PCDH15: variants seen among roughly 807,000 people sequenced by gnomAD.
The protein encoded by PCDH15 is protocadherin-15.
PCDH15 carries 129 observed loss-of-function variants against 178.5 expected under a neutral mutation model. The observed-to-expected ratio is 0.72, with a 90% CI of 0.63 to 0.84. The LOEUF (loss-of-function observed/expected upper bound fraction) is 0.84, where lower values mean the gene tolerates loss of function less well. PCDH15 is among the 40% of genes least tolerant of loss of function. The pLI, the probability that PCDH15 is intolerant of heterozygous loss-of-function variation, is 0.00. For missense variants in PCDH15, 2,230 were observed against 2,099.9 expected (o/e 1.06, Z -1.21); for synonymous variants, 800 against 732.0 (o/e 1.09, Z -1.50).
chr10:54,295,908 G>T (rs888592990), intron 8 of PCDH15, among the ~76,000 whole-genome samples: 2 of 151,878 alleles, frequency 1.3e-5, no homozygotes, highest in Non-Finnish European at 2.9e-5. Flanking sequence ...ACTTTGGGAG[G>T]CCGAGGCGGG....
chr10:54,881,718 C>G (rs1370105401), intron 3 of PCDH15, among the ~76,000 whole-genome samples: 1 of 152,080 alleles, frequency 6.6e-6, no homozygotes, highest in African/African-American at 2.4e-5. Context: ...GGATTAGGCT[C>G]TACCTCAATT....
intron 8 of PCDH15, among the ~76,000 whole-genome samples, chr10:54,260,921 C>G (rs1379186177): frequency 6.6e-6 from 1 of 152,146 alleles, no homozygotes; most frequent in Admixed American, 6.5e-5. Context: ...GTGTGAGCCA[C>G]CATGCCCGGC....
At chr10:55,526,249 TC>T (rs1841299113) in intron 2 of PCDH15, among the ~76,000 whole-genome samples, 1 of 151,970 alleles carries the variant, frequency 6.6e-6, no homozygotes, top group African/African-American at 2.4e-5. Flanking sequence ...TCTATTTTTT[TC>T]ATTTCATATA....
chr10:54,091,033 T>C (rs1344209767), intron 15 of PCDH15, among the ~76,000 whole-genome samples: 1 of 152,216 alleles, frequency 6.6e-6, no homozygotes, highest in Admixed American at 6.5e-5. Context: ...AAACATATAG[T>C]TTGACTTTGA....
chr10:55,376,980 G>T (rs1284402253), intron 2 of PCDH15, among the ~76,000 whole-genome samples: 1 of 151,804 alleles, frequency 6.6e-6, no homozygotes, highest in Non-Finnish European at 1.5e-5. Context: ...TAGCTATTAA[G>T]TCATATTTTA....
chr10:54,393,700 C>T (rs753808722), intron 3 of PCDH15, among the ~76,000 whole-genome samples: 1 of 152,132 alleles, frequency 6.6e-6, no homozygotes, highest in Non-Finnish European at 1.5e-5. Flanking sequence ...ATTCTATCCA[C>T]CATTCCTGAT....
intron 1 of PCDH15, among the ~76,000 whole-genome samples, chr10:54,672,055 A>G (rs184493731): frequency 3.3e-5 from 5 of 152,168 alleles, no homozygotes; most frequent in Non-Finnish European, 5.9e-5. Flanking sequence ...TGCACATACA[A>G]GGGTTCCAGG....
At chr10:54,904,753 T>A (rs779726139) in intron 2 of PCDH15, among the ~76,000 whole-genome samples, 1 of 151,742 alleles carries the variant, frequency 6.6e-6, no homozygotes, top group Non-Finnish European at 1.5e-5. Flanking sequence ...CCACACTTTA[T>A]CACATCACTT....
chr10:54,637,257 G>C (rs1590735827), intron 2 of PCDH15, among the ~76,000 whole-genome samples: 1 of 151,858 alleles, frequency 6.6e-6, no homozygotes, highest in Non-Finnish European at 1.5e-5. Context: ...CCCTCACTAT[G>C]CTGTAAAATC....
chr10:54,493,729 A>G (rs1206615379), intron 3 of PCDH15, among the ~76,000 whole-genome samples: 1 of 152,140 alleles, frequency 6.6e-6, no homozygotes, highest in East Asian at 1.9e-4. Flanking sequence ...CAGCCATCCC[A>G]TTACTGGGTA....
intron 8 of PCDH15, among the ~76,000 whole-genome samples, chr10:54,300,488 C>T (rs547030853): frequency 7.9e-5 from 12 of 152,270 alleles, no homozygotes; most frequent in East Asian, 5.8e-4. Context: ...TTTCACTGGC[C>T]GAAAGAGTTC....
chr10:55,386,042 A>G (rs1837651917), intron 2 of PCDH15, among the ~76,000 whole-genome samples: 1 of 151,870 alleles, frequency 6.6e-6, no homozygotes, highest in African/African-American at 2.4e-5. Flanking sequence ...TTGACTATCA[A>G]CTTGACTGTG....
intron 8 of PCDH15, among the ~76,000 whole-genome samples, chr10:54,269,229 A>C (rs1591512486): frequency 1.3e-5 from 2 of 151,942 alleles, no homozygotes; most frequent in Admixed American, 1.3e-4. Flanking sequence ...AAACAAACCA[A>C]TAGGTGTTTT....
chr10:55,535,076 T>A (rs1841541366), intron 2 of PCDH15, among the ~76,000 whole-genome samples: 1 of 151,984 alleles, frequency 6.6e-6, no homozygotes, highest in Non-Finnish European at 1.5e-5. Context: ...GGAGAAAGCA[T>A]GGGTTGAAAA....
chr10:54,155,823 AACG>A (rs1343402730), intron 13 of PCDH15, among the ~76,000 whole-genome samples: 1 of 151,690 alleles, frequency 6.6e-6, no homozygotes, highest in African/African-American at 2.4e-5. Context: ...CCAAAACCTC[AACG>A]ACATTACACA....
At position 54,026,226 on chromosome 10, in the gene PCDH15, G is replaced by A. The variant is rs2093086897; in HGVS notation, c.2221-3029C>T. On this transcript the variant is annotated intron_variant, in intron 18 of 37. Transcript: ENST00000644397. ...TGGCACTACAAGCACATGCCCCCAGGCCTGGCTAATTTTTTGTATTTTTAT... is the reference window on the plus strand; with the variant it reads ...TGGCACTACAAGCACATGCCCCCAGACCTGGCTAATTTTTTGTATTTTTAT... 2.0e-5 allele frequency among the ~76,000 whole-genome samples: 3 copies of A among 151,888 alleles called. No individual in the cohort carries two copies. The South Asian group carries it at 6.2e-4, about 32-fold the overall frequency.
intron 2 of PCDH15, among the ~76,000 whole-genome samples, chr10:55,107,331 G>C (rs1837374452): frequency 6.6e-6 from 1 of 152,092 alleles, no homozygotes; most frequent in South Asian, 2.1e-4. Flanking sequence ...AGTTGGATGA[G>C]ATATGGAAAT....
intron 21 of PCDH15, among the ~76,000 whole-genome samples, chr10:53,989,975 G>A (rs759039015): frequency 6.6e-6 from 1 of 152,098 alleles, no homozygotes; most frequent in Non-Finnish European, 1.5e-5. Flanking sequence ...AGCAAGCAGC[G>A]AATTACATGA....
chr10:54,949,713 G>C (rs964162834), intron 2 of PCDH15, among the ~76,000 whole-genome samples: 2 of 151,960 alleles, frequency 1.3e-5, no homozygotes, highest in African/African-American at 4.8e-5. Context: ...CCTCTTGAAT[G>C]CTTTGCTGCC....
Sources: gnomAD v4.1 joint callset for allele counts (sites outside exome capture counted in the v4.1 genomes callset) on GRCh38, gnomAD v4.1.1 for gene constraint, MANE v1.5 for transcripts, NCBI Gene and HGNC (gene_info 2026-07-23, HGNC 2026-07-21) for gene names.